CDC73: variants seen among roughly 807,000 people sequenced by gnomAD.
The protein encoded by CDC73 is parafibromin.
Under a neutral mutation model 83.7 loss-of-function variants are expected in CDC73, and 21 were observed. The ratio of observed to expected loss-of-function variants is 0.25; its 90% CI spans 0.18 to 0.36. The LOEUF is 0.36. Ranked by LOEUF, CDC73 falls within the 10% of genes least tolerant of loss-of-function variation. The pLI is 1.00. For synonymous variants in CDC73, 224 were observed against 212.9 expected, an observed-to-expected ratio of 1.05 and a Z score of -0.45; for missense variants, 342 against 653.3, an observed-to-expected ratio of 0.52 and a Z score of 5.19.
chr1:193,205,202 C>CA (rs1035044860), intron 11 of CDC73, among the ~76,000 whole-genome samples: 1 of 118,248 alleles, frequency 8.5e-6, no homozygotes, highest in Non-Finnish European at 1.7e-5. Context: ...CTGTCCCCCC[C>CA]CCCCCCTTTT....
chr1:193,220,157 C>CTTTTTT lies in CDC73; in HGVS notation c.1154+7702_1154+7707dup, dbSNP rs776793164. ...TTTCTCAGTAAAGTAACAATGATAA[C>CTTTTTT]TTTTTTTTTTTTTTTTTTTTTTTTT... On this transcript the variant is annotated intron_variant, in intron 13 of 16. Transcript: ENST00000367435. 4.9e-4 allele frequency among the ~76,000 whole-genome samples: 53 copies of CTTTTTT among 108,792 alleles called. 2 individuals carry two copies. The highest frequency in any genetic ancestry group is 8.8e-4 in the Non-Finnish European group (47 of 53,540). The allele number at this position is 108,792 out of a possible 152,430, so 71.4% of individuals were successfully genotyped here.
intron 10 of CDC73, among the ~76,000 whole-genome samples, chr1:193,176,175 GCAGT>G (rs1416817600): frequency 6.6e-6 from 1 of 152,116 alleles, no homozygotes; most frequent in Non-Finnish European, 1.5e-5. Context: ...TCAGGCCCAG[GCAGT>G]CAGTTTTTGT....
At chr1:193,242,775 C>G (rs910640991) in intron 15 of CDC73, among the ~76,000 whole-genome samples, 3 of 152,120 alleles carry the variant, frequency 2.0e-5, no homozygotes, top group African/African-American at 7.2e-5. Context: ...ATTAAAAGGG[C>G]ACCTCTTTGA....
chr1:193,246,081 C>T (rs1677948791), intron 15 of CDC73, among the ~76,000 whole-genome samples: 1 of 152,052 alleles, frequency 6.6e-6, no homozygotes, highest in Admixed American at 6.6e-5. Flanking sequence ...TTTAGGTTGT[C>T]TTTTCACTCT....
chr1:193,166,057 T>C lies in CDC73; in HGVS notation c.972+13613T>C, dbSNP rs549774378. Among the ~76,000 whole-genome samples the C allele has an allele frequency of 7.9e-5, 12 of 152,338 alleles. No homozygotes were observed. The East Asian group carries it at 2.1e-3, about 27-fold the overall frequency. On this transcript the variant is annotated intron_variant, in intron 10 of 16. Transcript: ENST00000367435. ...AGTGTTTGTTATCTAAGCTGAACTC[T>C]TAGAAACTTTAATGTGAAATTATTT...
Position 193,250,980 on chromosome 1 carries a change from G to C in CDC73, c.*268G>C. ...GTTAAATTAGCATTACTTAAAATTT[G>C]TTTCTTTAGAAAATAAATGCAGGTT... On this transcript the variant is annotated 3_prime_UTR_variant, in exon 17 of 17. Coordinates refer to ENST00000367435, the MANE Select transcript of CDC73 (RefSeq NM_024529.5). 1 of 461,320 alleles carries C rather than the reference G, an allele frequency of 2.2e-6. No individual in the cohort carries two copies. The highest frequency in any genetic ancestry group is 3.3e-5 in the South Asian group (1 of 30,634). The allele number at this position is 461,320 out of a possible 1,614,324, so 28.6% of individuals were successfully genotyped here.
chr1:193,240,936 T>C (rs1039786454), intron 15 of CDC73, among the ~76,000 whole-genome samples: 7 of 152,212 alleles, frequency 4.6e-5, no homozygotes, highest in African/African-American at 1.7e-4. Context: ...CCAGTGTTTT[T>C]CTGTGTTCTC....
chr1:193,213,367 ATTT>A (rs11326996), intron 13 of CDC73, among the ~76,000 whole-genome samples: 1 of 148,630 alleles, frequency 6.7e-6, no homozygotes. Flanking sequence ...TCCTCAGTAG[ATTT>A]TTTTTTTTTT....
At chr1:193,217,198 A>G (rs1677383176) in intron 13 of CDC73, among the ~76,000 whole-genome samples, 1 of 152,146 alleles carries the variant, frequency 6.6e-6, no homozygotes, top group South Asian at 2.1e-4. Flanking sequence ...TGTGGAGCTC[A>G]GACTCCACGG....
chr1:193,184,053 A>T (rs1279111061), intron 10 of CDC73, among the ~76,000 whole-genome samples: 1 of 151,870 alleles, frequency 6.6e-6, no homozygotes, highest in African/African-American at 2.4e-5. Context: ...ATTATTGCAT[A>T]TTGTAATGTA....
chr1:193,236,372 T>A lies in CDC73; in HGVS notation c.1417+16T>A. ...TTTGCTAAAAGTAAGATTCTCTTTG[T>A]ATTTACTGTATCCAGTATAGAAATG... On this transcript the variant is annotated intron_variant, in intron 15 of 16. Coordinates refer to ENST00000367435, the MANE Select transcript of CDC73 (RefSeq NM_024529.5). 1 of 1,399,972 alleles carries A rather than the reference T, an allele frequency of 7.1e-7. No homozygotes were observed. The highest frequency in any genetic ancestry group is 1.2e-5 in the South Asian group (1 of 86,696). 86.7% of individuals were successfully genotyped at this position (1,399,972 alleles called of 1,614,324 possible).
At chr1:193,240,903 G>A (rs1273840892) in intron 15 of CDC73, among the ~76,000 whole-genome samples, 1 of 151,950 alleles carries the variant, frequency 6.6e-6, no homozygotes, top group Non-Finnish European at 1.5e-5. Context: ...TCCTTGCCTC[G>A]ACCAGTGTCC....
chr1:193,142,198 G>A (rs1247293451), intron 7 of CDC73, 132 bp downstream of exon 7: 1 of 751,902 alleles, frequency 1.3e-6, no homozygotes, highest in Non-Finnish European at 2.3e-6. Flanking sequence ...TGAAAGCTCA[G>A]TAATAATGTA....
At chr1:193,222,756 CTTTTT>C (rs59773568) in intron 13 of CDC73, among the ~76,000 whole-genome samples, 1 of 117,194 alleles carries the variant, frequency 8.5e-6, no homozygotes. Flanking sequence ...ATGAAATAAG[CTTTTT>C]TTTTTTTTTT....
At chr1:193,226,893 A>T (rs1309559606) in intron 13 of CDC73, among the ~76,000 whole-genome samples, 1 of 152,124 alleles carries the variant, frequency 6.6e-6, no homozygotes, top group Non-Finnish European at 1.5e-5. Context: ...AAGGATTGGT[A>T]CCAATTCTTC....
At chr1:193,122,508 G>A (rs774457223) in intron 1 of CDC73, 177 bp downstream of exon 1, 25 of 746,004 alleles carry the variant, frequency 3.4e-5, no homozygotes, top group Non-Finnish European at 4.4e-5. Context: ...GAAAGAAGGG[G>A]CGGAGCTCTA....
rs1263863175 is a variant in CDC73 at position 193,203,803 on chromosome 1, A to T, written c.981A>T (p.Ala327=). The T allele has an allele frequency of 6.2e-7, 1 of 1,612,542 alleles. No individual in the cohort carries two copies. The change falls in exon 11 of 17, where the codon GCA becomes GCT. Residue 327 remains alanine (A), a synonymous_variant. Coordinates refer to ENST00000367435, the MANE Select transcript of CDC73 (RefSeq NM_024529.5). The part of the protein sequence containing the change: ...GMTLKSVTEG[A]SARKTQTPAA... ...TTCTTATTCTTTTAAAGGAGGGTGCATCTGCCCGGAAGACTCAGACTCCTG... is the reference window on the plus strand; with the variant it reads ...TTCTTATTCTTTTAAAGGAGGGTGCTTCTGCCCGGAAGACTCAGACTCCTG...
At chr1:193,122,878 A>G (rs1675486426) in intron 1 of CDC73, among the ~76,000 whole-genome samples, 1 of 152,186 alleles carries the variant, frequency 6.6e-6, no homozygotes, top group Non-Finnish European at 1.5e-5. Flanking sequence ...GTGAATTTGG[A>G]AGAGTCATAA....
intron 15 of CDC73, among the ~76,000 whole-genome samples, chr1:193,240,190 GACAGGATTTCATTCTTTTTTATGGCCAC>G (rs1665735467): frequency 6.6e-6 from 1 of 152,266 alleles, no homozygotes; most frequent in East Asian, 1.9e-4. Context: ...TGCCACAGAT[GACAGGATTTCATTCTTTTTTATGGCCAC>G]ACAGTATTTC....
Sources: gnomAD v4.1 joint callset for allele counts (sites outside exome capture counted in the v4.1 genomes callset) on GRCh38, gnomAD v4.1.1 for gene constraint, MANE v1.5 for transcripts, NCBI Gene and HGNC (gene_info 2026-07-23, HGNC 2026-07-21) for gene names.